TLE4: variants seen among roughly 807,000 people sequenced by gnomAD.
TLE4 encodes transducin-like enhancer protein 4.
In TLE4, 8 loss-of-function variants were observed where a neutral mutation model predicts 92.8. The ratio of observed to expected loss-of-function variants is 0.09; its 90% CI spans 0.05 to 0.16. The LOEUF is 0.16. Among genes scored for constraint, TLE4 ranks in the 10% least tolerant of loss-of-function variants. The pLI is 1.00. For synonymous variants in TLE4, 371 were observed against 374.1 expected (o/e 0.99, Z 0.10); for missense variants, 675 against 997.6 (o/e 0.68, Z 4.36).
chr9:79,604,862 T>G (rs575328418), intron 4 of TLE4, among the ~76,000 whole-genome samples: 6 of 152,316 alleles, frequency 3.9e-5, no homozygotes, highest in Non-Finnish European at 8.8e-5. Context: ...AAAATCAAGA[T>G]GAATAATCTC....
chr9:79,722,731 T>C, intron 18 of TLE4, 130 bp downstream of exon 18: 1 of 1,180,484 alleles, frequency 8.5e-7, no homozygotes, highest in Non-Finnish European at 1.2e-6. Context: ...TACTTCCTGA[T>C]ACATGCCTGC....
intron 6 of TLE4, among the ~76,000 whole-genome samples, chr9:79,648,168 T>A (rs1326148337): frequency 6.6e-6 from 1 of 152,160 alleles, no homozygotes; most frequent in African/African-American, 2.4e-5. Flanking sequence ...ATAAAAGGGA[T>A]CTGTTGCTTT....
In TLE4 at chr9:79,720,212, GC is replaced by G; in HGVS notation, c.1761del (p.Asp588IlefsTer25). 6.2e-7 allele frequency: 1 copy of G among 1,614,196 alleles called. No homozygotes were observed. Among genetic ancestry groups the G allele is most frequent in the Non-Finnish European group, 8.5e-7 (1 of 1,180,024 alleles). ...SAPACYALAI[S>X]PDSKVCFSCC... is the part of the protein sequence containing the mutation. ...CCCGCCTGCTATGCCCTGGCCATCA[GC>G]CCCGATTCCAAGGTCTGCTTCTCAT... is the stretch of plus-strand genomic sequence containing the variant. On this transcript the variant is annotated frameshift_variant, in exon 16 of 20. Coordinates refer to ENST00000376552, the MANE Select transcript of TLE4 (RefSeq NM_007005.6). LOFTEE classifies it high-confidence loss of function.
chr9:79,579,685 T>C (rs1382641104), intron 4 of TLE4, among the ~76,000 whole-genome samples: 30 of 152,152 alleles, frequency 2.0e-4, no homozygotes, highest in Non-Finnish European at 1.5e-5. Context: ...TGTGTGTATA[T>C]ATATATGTAT....
At chr9:79,662,708 A>G (rs1425113159) in intron 8 of TLE4, among the ~76,000 whole-genome samples, 1 of 152,120 alleles carries the variant, frequency 6.6e-6, no homozygotes, top group African/African-American at 2.4e-5. Flanking sequence ...AATAATATGG[A>G]AATCCTATTA....
chr9:79,622,365 C>G (rs1297297390), intron 5 of TLE4, among the ~76,000 whole-genome samples: 1 of 152,180 alleles, frequency 6.6e-6, no homozygotes, highest in Non-Finnish European at 1.5e-5. Flanking sequence ...CACAGACATT[C>G]TTGCTCTTCC....
chr9:79,581,586 A>G (rs866461431), intron 4 of TLE4, among the ~76,000 whole-genome samples: 19 of 152,370 alleles, frequency 1.2e-4, no homozygotes, highest in African/African-American at 4.3e-4. Flanking sequence ...GCACACTGCC[A>G]AAATTCTTAT....
At chr9:79,685,057 A>T (rs11138331) in intron 8 of TLE4, among the ~76,000 whole-genome samples, 1 of 151,968 alleles carries the variant, frequency 6.6e-6, no homozygotes, top group Non-Finnish European at 1.5e-5. Flanking sequence ...CATTTCTCAT[A>T]GCTGCACTAG....
chr9:79,647,865 G>GA (rs1403716832), intron 6 of TLE4, among the ~76,000 whole-genome samples: 2 of 151,992 alleles, frequency 1.3e-5, no homozygotes, highest in Non-Finnish European at 2.9e-5. Context: ...AGACAGTGGT[G>GA]GAGATTACTT....
At position 79,708,719 on chromosome 9, in the gene TLE4, TCTC is replaced by T; in HGVS notation, c.1198_1200del (p.Ser400del). On this transcript the variant is annotated inframe_deletion, in exon 13 of 20. Transcript: ENST00000376552. Reference sequence around the variant, plus strand: ...GCGGCCTACGCTGGGCTCCACAACATCTCCCCTCAGATGAGCGCAGCTGCTGCC... The same window carrying T: ...GCGGCCTACGCTGGGCTCCACAACATCCCTCAGATGAGCGCAGCTGCTGCC... The T allele has an allele frequency of 6.2e-7, 1 of 1,612,748 alleles. No individual in the cohort carries two copies. The highest frequency in any genetic ancestry group is 8.5e-7 in the Non-Finnish European group (1 of 1,180,030).
At chr9:79,651,636 C>T (rs533051037) in intron 6 of TLE4, among the ~76,000 whole-genome samples, 5 of 152,304 alleles carry the variant, frequency 3.3e-5, no homozygotes, top group African/African-American at 9.6e-5. Flanking sequence ...CCAATTATTT[C>T]AGCATTATTG....
At chr9:79,684,368 G>T (rs2065339313) in intron 8 of TLE4, among the ~76,000 whole-genome samples, 1 of 152,176 alleles carries the variant, frequency 6.6e-6, no homozygotes, top group Non-Finnish European at 1.5e-5. Context: ...AGCAGGAGGT[G>T]AGTGGCGGCT....
chr9:79,595,470 A>G (rs936190100), intron 4 of TLE4, among the ~76,000 whole-genome samples: 1 of 152,200 alleles, frequency 6.6e-6, no homozygotes, highest in Admixed American at 6.5e-5. Flanking sequence ...GTTAACCGTT[A>G]TCTTTTTGCT....
At chr9:79,619,899 G>C (rs532336820) in intron 5 of TLE4, among the ~76,000 whole-genome samples, 1 of 152,176 alleles carries the variant, frequency 6.6e-6, no homozygotes, top group African/African-American at 2.4e-5. Flanking sequence ...ATCAGAGAGC[G>C]TAATTCTGTC....
chr9:79,611,662 C>T (rs964200336), intron 4 of TLE4, among the ~76,000 whole-genome samples: 4 of 151,822 alleles, frequency 2.6e-5, no homozygotes, highest in African/African-American at 9.7e-5. Flanking sequence ...CTCTTTCCTC[C>T]ATTCCATCAT....
At chr9:79,638,675 T>C (rs1264380091) in intron 6 of TLE4, among the ~76,000 whole-genome samples, 1 of 152,164 alleles carries the variant, frequency 6.6e-6, no homozygotes, top group Non-Finnish European at 1.5e-5. Flanking sequence ...GCTTTTTTTC[T>C]TTATTTCCCT....
At chr9:79,718,085 G>A (rs7022923) in intron 14 of TLE4, 44,793 of 456,362 alleles carry the variant, frequency 0.098, 2,668 homozygotes, top group African/African-American at 0.18. Context: ...GGCCTTTGGG[G>A]CTGTCAGGAT....
chr9:79,654,248 T>A (rs913341546), intron 8 of TLE4, among the ~76,000 whole-genome samples, 173 bp downstream of exon 8: 5 of 149,990 alleles, frequency 3.3e-5, no homozygotes, highest in Admixed American at 6.6e-5. Flanking sequence ...TTTTTTTTTT[T>A]AAAGGTCCCA....
intron 4 of TLE4, among the ~76,000 whole-genome samples, chr9:79,604,497 G>T (rs759749440): frequency 6.6e-6 from 1 of 152,098 alleles, no homozygotes; most frequent in Non-Finnish European, 1.5e-5. Context: ...CAGCTTCAAA[G>T]AATTGGAATT....
Sources: gnomAD v4.1 joint callset for allele counts (sites outside exome capture counted in the v4.1 genomes callset) on GRCh38, gnomAD v4.1.1 for gene constraint, MANE v1.5 for transcripts, NCBI Gene and HGNC (gene_info 2026-07-23, HGNC 2026-07-21) for gene names.